Variants in RBMS3 observed in about 807,000 individuals in gnomAD.
RBMS3 encodes RNA-binding motif, single-stranded-interacting protein 3.
In RBMS3, 27 loss-of-function variants were observed where a neutral mutation model predicts 66.8. The ratio of observed to expected loss-of-function variants is 0.40; its 90% CI spans 0.30 to 0.56. RBMS3 has a LOEUF of 0.56. Ranked by LOEUF, RBMS3 falls within the 20% of genes least tolerant of loss-of-function variation. The probability of loss-of-function intolerance (pLI) is 0.40; values close to 1 mark genes in which losing one functional copy is unlikely to be tolerated. For missense variants in RBMS3, 513 were observed against 549.5 expected (o/e 0.93, Z 0.66); for synonymous variants, 188 against 183.0 (o/e 1.03, Z -0.22).
chr3:29,715,384 T>C (rs2053349283), intron 4 of RBMS3, among the ~76,000 whole-genome samples: 1 of 152,140 alleles, frequency 6.6e-6, no homozygotes, highest in Admixed American at 6.6e-5. Flanking sequence ...AAATCAGTTT[T>C]TGTAACTCAA....
intron 4 of RBMS3, among the ~76,000 whole-genome samples, chr3:29,685,203 C>A (rs978550522): frequency 6.6e-6 from 1 of 151,982 alleles, no homozygotes; most frequent in Non-Finnish European, 1.5e-5. Context: ...GGACTACAGG[C>A]GCCCGCCACC....
chr3:29,713,909 G>A (rs1262969184), intron 4 of RBMS3, among the ~76,000 whole-genome samples: 1 of 151,954 alleles, frequency 6.6e-6, no homozygotes, highest in Non-Finnish European at 1.5e-5. Flanking sequence ...ACAAAACTTA[G>A]CCAGGCATGG....
intron 13 of RBMS3, 56 bp from the exon 14 acceptor site, chr3:29,991,001 AAGAGGGGTACTTACAGCCTATCTAG>A (rs1402368182): frequency 1.4e-6 from 2 of 1,394,662 alleles, no homozygotes; most frequent in Non-Finnish European, 2.0e-6. Flanking sequence ...AGCCAAATAG[AAGAGGGGTACTTACAGCCTATCTAG>A]AGAGGGCCCT....
At chr3:29,537,924 C>T (rs2045633167) in intron 3 of RBMS3, among the ~76,000 whole-genome samples, 1 of 151,700 alleles carries the variant, frequency 6.6e-6, no homozygotes, top group African/African-American at 2.4e-5. Context: ...TGATGAACTA[C>T]TAATACAATA....
chr3:29,748,509 C>T (rs2055027370), intron 5 of RBMS3, among the ~76,000 whole-genome samples: 1 of 152,178 alleles, frequency 6.6e-6, no homozygotes, highest in African/African-American at 2.4e-5. Flanking sequence ...TAAGAATATA[C>T]ATTAAAGTAA....
intron 4 of RBMS3, among the ~76,000 whole-genome samples, chr3:29,595,537 C>T (rs1545636): frequency 0.15 from 22,675 of 152,016 alleles, 1,948 homozygotes; most frequent in East Asian, 0.32. Flanking sequence ...GTTGAGAAAA[C>T]CAAATAATGA....
intron 2 of RBMS3, among the ~76,000 whole-genome samples, chr3:29,487,467 C>T (rs2043364622): frequency 6.6e-6 from 1 of 152,078 alleles, no homozygotes; most frequent in Non-Finnish European, 1.5e-5. Context: ...TCAATTTTCT[C>T]AGTGGAATTT....
chr3:29,670,527 C>T (rs141405587), intron 4 of RBMS3, among the ~76,000 whole-genome samples: 149 of 152,270 alleles, frequency 9.8e-4, no homozygotes, highest in African/African-American at 3.1e-3. Context: ...CAGATGGTTC[C>T]GGGAAAATTG....
intron 10 of RBMS3, among the ~76,000 whole-genome samples, chr3:29,933,218 T>G (rs2061176451): frequency 6.6e-6 from 1 of 152,174 alleles, no homozygotes; most frequent in Admixed American, 6.6e-5. Context: ...ATATATTAAG[T>G]TGGAGTGGAT....
At chr3:29,792,781 A>G (rs1409762321) in intron 6 of RBMS3, among the ~76,000 whole-genome samples, 2 of 152,244 alleles carry the variant, frequency 1.3e-5, no homozygotes, top group Non-Finnish European at 2.9e-5. Context: ...TTTAACAAAA[A>G]TAGATTTGAG....
At chr3:29,809,162 G>A (rs1466711826) in intron 6 of RBMS3, among the ~76,000 whole-genome samples, 1 of 151,758 alleles carries the variant, frequency 6.6e-6, no homozygotes, top group African/African-American at 2.4e-5. Flanking sequence ...CAGATTTTAA[G>A]AGTTTAATGA....
At chr3:29,532,608 G>A (rs936588341) in intron 3 of RBMS3, among the ~76,000 whole-genome samples, 1 of 152,058 alleles carries the variant, frequency 6.6e-6, no homozygotes, top group Non-Finnish European at 1.5e-5. Flanking sequence ...GTGTGTGCCT[G>A]TATCGTCGCT....
intron 6 of RBMS3, among the ~76,000 whole-genome samples, chr3:29,859,803 CATG>C (rs2059168582): frequency 6.6e-6 from 1 of 152,102 alleles, no homozygotes; most frequent in African/African-American, 2.4e-5. Flanking sequence ...TAATTTTTGC[CATG>C]TAAATTGTGG....
intron 1 of RBMS3, among the ~76,000 whole-genome samples, chr3:29,361,556 G>C (rs914188641): frequency 3.3e-5 from 5 of 152,114 alleles, no homozygotes; most frequent in Non-Finnish European, 7.4e-5. Flanking sequence ...GAGTATCTTT[G>C]TGGCATTCTC....
chr3:29,464,737 C>T (rs1336929485), intron 2 of RBMS3, among the ~76,000 whole-genome samples: 1 of 152,122 alleles, frequency 6.6e-6, no homozygotes, highest in Non-Finnish European at 1.5e-5. Context: ...TGAGATCAAG[C>T]GCTACTTTCT....
intron 12 of RBMS3, among the ~76,000 whole-genome samples, chr3:29,956,309 T>C (rs1696038665): frequency 6.6e-6 from 1 of 152,122 alleles, no homozygotes; most frequent in African/African-American, 2.4e-5. Context: ...TGAGTTTTTC[T>C]GATTTTCACA....
chr3:29,478,213 G>A (rs1053100755), intron 2 of RBMS3, among the ~76,000 whole-genome samples: 1 of 152,156 alleles, frequency 6.6e-6, no homozygotes, highest in Non-Finnish European at 1.5e-5. Flanking sequence ...AGAACCAATT[G>A]TCAGTCTATT....
At chr3:29,286,332 C>T (rs2032330164) in intron 1 of RBMS3, among the ~76,000 whole-genome samples, 1 of 151,772 alleles carries the variant, frequency 6.6e-6, no homozygotes, top group African/African-American at 2.4e-5. Context: ...CCTTCATTAT[C>T]AGTGGGATTG....
Position 29,908,126 on chromosome 3 carries a change from C to A in RBMS3, c.939+8371C>A, listed in dbSNP as rs552699195. 5.3e-5 allele frequency among the ~76,000 whole-genome samples: 8 copies of A among 151,936 alleles called. No individual in the cohort carries two copies. The South Asian group carries it at 1.7e-3, about 32-fold the overall frequency. On this transcript the variant is annotated intron_variant, in intron 10 of 14. Coordinates refer to ENST00000383767, the MANE Select transcript of RBMS3 (RefSeq NM_001003793.3). ...ATTAGCCAGGCATGGTGGTGCATGCCTATAGTCCCAGCTACTTGGGAAGCT... is the reference window on the plus strand; with the variant it reads ...ATTAGCCAGGCATGGTGGTGCATGCATATAGTCCCAGCTACTTGGGAAGCT...
Sources: gnomAD v4.1 joint callset for allele counts (sites outside exome capture counted in the v4.1 genomes callset) on GRCh38, gnomAD v4.1.1 for gene constraint, MANE v1.5 for transcripts, NCBI Gene and HGNC (gene_info 2026-07-23, HGNC 2026-07-21) for gene names.